VEGFC: variants seen among roughly 807,000 people sequenced by gnomAD.
VEGFC encodes the protein vascular endothelial growth factor C, also known as FLT4 ligand DHM.
In VEGFC, 12 loss-of-function variants were observed where a neutral mutation model predicts 46.1. The ratio of observed to expected loss-of-function variants is 0.26; its 90% CI spans 0.17 to 0.42. The LOEUF (loss-of-function observed/expected upper bound fraction) is 0.42. Among genes scored for constraint, VEGFC ranks in the 10% least tolerant of loss-of-function variants. The probability of loss-of-function intolerance (pLI) is 1.00; values close to 1 mark genes in which losing one functional copy is unlikely to be tolerated. For synonymous variants in VEGFC, 232 were observed against 195.5 expected (o/e 1.19, Z -1.56); for missense variants, 488 against 529.4 (o/e 0.92, Z 0.77).
intron 4 of VEGFC, among the ~76,000 whole-genome samples, chr4:176,690,397 T>C (rs1734134787): frequency 6.6e-6 from 1 of 152,154 alleles, no homozygotes. Context: ...GCATATATGT[T>C]TTTTCACATT....
chr4:176,743,983 C>G (rs879363938), intron 1 of VEGFC, among the ~76,000 whole-genome samples: 8 of 151,962 alleles, frequency 5.3e-5, no homozygotes, highest in Non-Finnish European at 1.2e-4. Context: ...ACAATAGCCA[C>G]AATTCCCAGA....
At chr4:176,767,309 AAATAAAAAAGACTAAC>A (rs1735645220) in intron 1 of VEGFC, among the ~76,000 whole-genome samples, 1 of 152,182 alleles carries the variant, frequency 6.6e-6, no homozygotes, top group African/African-American at 2.4e-5. Context: ...ACAATAGCTA[AAATAAAAAAGACTAAC>A]AATGCCAAGT....
At chr4:176,687,615 T>C in intron 5 of VEGFC, 95 bp from the exon 6 acceptor site, 3 of 1,294,374 alleles carry the variant, frequency 2.3e-6, no homozygotes, top group Non-Finnish European at 2.1e-6. Flanking sequence ...TTTTGTATGT[T>C]TTCCATCAAA....
chr4:176,752,157 C>T (rs774306814), intron 1 of VEGFC, among the ~76,000 whole-genome samples: 15 of 151,846 alleles, frequency 9.9e-5, no homozygotes, highest in Admixed American at 6.6e-5. Flanking sequence ...GATAAATACT[C>T]CAGTATCCTC....
At chr4:176,748,663 TA>T (rs1007323372) in intron 1 of VEGFC, among the ~76,000 whole-genome samples, 18 of 152,038 alleles carry the variant, frequency 1.2e-4, no homozygotes, top group African/African-American at 3.4e-4. Context: ...CTTTCCAGAA[TA>T]AACCCCTATT....
chr4:176,723,638 T>C (rs943822533), intron 3 of VEGFC, among the ~76,000 whole-genome samples: 5 of 150,904 alleles, frequency 3.3e-5, no homozygotes, highest in African/African-American at 1.2e-4. Flanking sequence ...ATGTGCAGAT[T>C]TGTGACATAG....
intron 6 of VEGFC, among the ~76,000 whole-genome samples, chr4:176,686,611 G>A (rs1459650000): frequency 6.6e-6 from 1 of 152,072 alleles, no homozygotes; most frequent in Non-Finnish European, 1.5e-5. Flanking sequence ...AGAGGTTTCG[G>A]GATTAACACT....
At chr4:176,763,442 A>G (rs1735565315) in intron 1 of VEGFC, among the ~76,000 whole-genome samples, 1 of 152,262 alleles carries the variant, frequency 6.6e-6, no homozygotes, top group Non-Finnish European at 1.5e-5. Flanking sequence ...AAAGAGGTGC[A>G]TAGAACATCA....
At chr4:176,715,368 G>T (rs1419814087) in intron 3 of VEGFC, among the ~76,000 whole-genome samples, 1 of 152,124 alleles carries the variant, frequency 6.6e-6, no homozygotes, top group African/African-American at 2.4e-5. Flanking sequence ...TCCAGAGAAA[G>T]ATACCTTTGA....
rs1490168430 is a variant in VEGFC at position 176,778,779 on chromosome 4, C to G, written c.147+13386G>C. 2.0e-5 allele frequency among the ~76,000 whole-genome samples: 3 copies of G among 152,120 alleles called. No homozygotes were observed. In the East Asian group the frequency reaches 5.8e-4, roughly 29 times the overall value. On this transcript the variant is annotated intron_variant, in intron 1 of 6. Coordinates refer to ENST00000618562, the MANE Select transcript of VEGFC (RefSeq NM_005429.5). ...ACATTTGCTCTGATCTAAACACCCC[C>G]TAGTTTGCATGTACAGGGACAAAAC...
intron 4 of VEGFC, among the ~76,000 whole-genome samples, chr4:176,703,222 A>G (rs1217380960): frequency 6.6e-6 from 1 of 152,060 alleles, no homozygotes; most frequent in African/African-American, 2.4e-5. Flanking sequence ...TTGATGTTTG[A>G]TATTTTTTAA....
intron 4 of VEGFC, among the ~76,000 whole-genome samples, chr4:176,704,060 T>C (rs1734480437): frequency 1.3e-5 from 2 of 152,136 alleles, no homozygotes; most frequent in Non-Finnish European, 2.9e-5. Context: ...TCCCAGTTAT[T>C]CTTGAACCTT....
chr4:176,702,049 G>A (rs1734443092), intron 4 of VEGFC, among the ~76,000 whole-genome samples: 1 of 152,092 alleles, frequency 6.6e-6, no homozygotes, highest in African/African-American at 2.4e-5. Context: ...AAGCATCTAG[G>A]CATTTGGACT....
At chr4:176,741,217 T>G (rs890742479) in intron 1 of VEGFC, among the ~76,000 whole-genome samples, 3 of 151,952 alleles carry the variant, frequency 2.0e-5, no homozygotes, top group Non-Finnish European at 2.9e-5. Flanking sequence ...ATCCTAACAT[T>G]GCAGCATGGA....
At chr4:176,689,268 G>A (rs948479273) in intron 4 of VEGFC, 14 of 152,100 alleles carry the variant, frequency 9.2e-5, no homozygotes, top group African/African-American at 3.4e-4. Context: ...AAACAAACAG[G>A]CCAGTTACTA....
At chr4:176,783,664 G>T (rs990582046) in intron 1 of VEGFC, among the ~76,000 whole-genome samples, 1 of 152,114 alleles carries the variant, frequency 6.6e-6, no homozygotes, top group African/African-American at 2.4e-5. Context: ...GTGGTCTATG[G>T]ACACCTGTGC....
At chr4:176,733,559 T>C (rs886490892) in intron 1 of VEGFC, among the ~76,000 whole-genome samples, 25 of 151,912 alleles carry the variant, frequency 1.6e-4, no homozygotes, top group Admixed American at 1.4e-3. Context: ...TAGGCAAATC[T>C]ACAGGGGGAG....
intron 1 of VEGFC, among the ~76,000 whole-genome samples, chr4:176,746,090 T>C (rs1055452880): frequency 3.3e-5 from 5 of 152,002 alleles, no homozygotes; most frequent in Non-Finnish European, 7.4e-5. Flanking sequence ...TAGAAGATAA[T>C]ACCACAGAGC....
chr4:176,737,774 T>C (rs1326852756), intron 1 of VEGFC, among the ~76,000 whole-genome samples: 1 of 151,834 alleles, frequency 6.6e-6, no homozygotes, highest in Non-Finnish European at 1.5e-5. Flanking sequence ...TCAATTCCCA[T>C]CATATATAAT....
Sources: gnomAD v4.1 joint callset for allele counts (sites outside exome capture counted in the v4.1 genomes callset) on GRCh38, gnomAD v4.1.1 for gene constraint, MANE v1.5 for transcripts, NCBI Gene and HGNC (gene_info 2026-07-23, HGNC 2026-07-21) for gene names.